The following SYN3 variants were observed in gnomAD, a reference collection of about 807,000 sequenced individuals.
SYN3 encodes synapsin-3.
A neutral mutation model predicts 65.8 loss-of-function variants in SYN3; 35 were observed. That is an observed-to-expected ratio of 0.53 (90% CI 0.41 to 0.70). The LOEUF (loss-of-function observed/expected upper bound fraction) is 0.70. Ranked by LOEUF, SYN3 falls within the 30% of genes least tolerant of loss-of-function variation. The probability of loss-of-function intolerance (pLI) is 0.00; values close to 1 mark genes in which losing one functional copy is unlikely to be tolerated. For missense variants in SYN3, 680 were observed against 749.0 expected (o/e 0.91, Z 1.08); for synonymous variants, 270 against 292.9 (o/e 0.92, Z 0.80).
intron 6 of SYN3, among the ~76,000 whole-genome samples, chr22:32,835,190 G>A (rs978324792): frequency 3.3e-5 from 5 of 152,200 alleles, no homozygotes; most frequent in Non-Finnish European, 7.3e-5. Flanking sequence ...GAAAGGTAGG[G>A]TGATACACTC....
At chr22:32,525,482 C>T (rs758100881) in intron 12 of SYN3, among the ~76,000 whole-genome samples, 2 of 151,820 alleles carry the variant, frequency 1.3e-5, no homozygotes, top group East Asian at 1.9e-4. Context: ...CTGAGGCGGG[C>T]GGATCACGAG....
chr22:32,602,024 C>T (rs868286525), intron 6 of SYN3, among the ~76,000 whole-genome samples: 7 of 151,674 alleles, frequency 4.6e-5, no homozygotes, highest in Admixed American at 1.3e-4. Flanking sequence ...AAATTGTCTA[C>T]AATCTCATTG....
intron 4 of SYN3, among the ~76,000 whole-genome samples, chr22:32,869,678 C>T (rs968848561): frequency 2.1e-5 from 3 of 145,578 alleles, no homozygotes; most frequent in Admixed American, 1.4e-4. Context: ...TCAAATCAAC[C>T]AACACATCTT....
chr22:32,628,829 G>A (rs1471662220), intron 6 of SYN3, among the ~76,000 whole-genome samples: 1 of 152,032 alleles, frequency 6.6e-6, no homozygotes, highest in African/African-American at 2.4e-5. Context: ...TGTGCTGGCC[G>A]CTGGTCATGC....
chr22:32,989,459 C>G (rs1199533073), intron 2 of SYN3, among the ~76,000 whole-genome samples: 1 of 152,148 alleles, frequency 6.6e-6, no homozygotes, highest in Non-Finnish European at 1.5e-5. Context: ...TGAAACCTTG[C>G]TTGGTGTCGA....
intron 1 of SYN3, among the ~76,000 whole-genome samples, chr22:33,043,564 T>C (rs2054002720): frequency 6.6e-6 from 1 of 151,874 alleles, no homozygotes; most frequent in African/African-American, 2.4e-5. Flanking sequence ...ATAATAATAA[T>C]ATAATAAATA....
At chr22:32,718,010 G>C (rs1222920744) in intron 6 of SYN3, among the ~76,000 whole-genome samples, 1 of 152,222 alleles carries the variant, frequency 6.6e-6, no homozygotes, top group Non-Finnish European at 1.5e-5. Context: ...AGCCCAGACA[G>C]AGATTTAAGG....
At chr22:32,586,407 T>C (rs2059042772) in intron 7 of SYN3, among the ~76,000 whole-genome samples, 1 of 152,176 alleles carries the variant, frequency 6.6e-6, no homozygotes, top group South Asian at 2.1e-4. Flanking sequence ...TCATTGACAT[T>C]AAACTCAATG....
intron 1 of SYN3, among the ~76,000 whole-genome samples, chr22:33,039,561 A>AT (rs1439486664): frequency 1.3e-5 from 2 of 151,740 alleles, no homozygotes; most frequent in Non-Finnish European, 2.9e-5. Flanking sequence ...CATCCGGCTA[A>AT]TTTTTTGTAT....
chr22:32,584,623 A>G (rs1339973984), intron 7 of SYN3, among the ~76,000 whole-genome samples: 1 of 152,256 alleles, frequency 6.6e-6, no homozygotes, highest in African/African-American at 2.4e-5. Flanking sequence ...ATCAGTGCTC[A>G]TAAGAACAGA....
intron 13 of SYN3, among the ~76,000 whole-genome samples, chr22:32,516,041 G>A (rs551402108): frequency 3.9e-5 from 6 of 152,084 alleles, no homozygotes; most frequent in Admixed American, 2.0e-4. Flanking sequence ...CTTGTGATCC[G>A]CCCCCCTCCA....
intron 6 of SYN3, among the ~76,000 whole-genome samples, chr22:32,838,346 A>G (rs950531978): frequency 2.2e-4 from 34 of 152,184 alleles, no homozygotes; most frequent in Admixed American, 2.2e-3. Context: ...ACAGCCTGCC[A>G]TGCTCTTCAT....
chr22:32,953,040 T>C (rs2051337886), intron 3 of SYN3, among the ~76,000 whole-genome samples: 2 of 152,246 alleles, frequency 1.3e-5, no homozygotes, highest in Admixed American at 1.3e-4. Context: ...AAATGTGTAA[T>C]GAATGTTAGC....
At chr22:32,514,059 A>C (rs1180615447) in intron 13 of SYN3, among the ~76,000 whole-genome samples, 1 of 152,160 alleles carries the variant, frequency 6.6e-6, no homozygotes, top group Non-Finnish European at 1.5e-5. Flanking sequence ...AGAGTCAAGT[A>C]ACTTGCTCCG....
In SYN3 at chr22:32,976,268, T is replaced by C. The variant is rs141421081; in HGVS notation, c.369+4377A>G. Among the ~76,000 whole-genome samples, 436 of 152,280 alleles carry C rather than the reference T, an allele frequency of 2.9e-3. 4 individuals are homozygous for C. Among genetic ancestry groups the C allele is most frequent in the Middle Eastern group, 0.01 (3 of 294 alleles). On this transcript the variant is annotated intron_variant, in intron 3 of 13. Transcript: ENST00000358763. ...AATCCATGGGTCGTTCTGGCTTCCT[T>C]CATTGGATTGGGAGTTGCTCAAGGG...
At chr22:32,953,974 T>C (rs1418343502) in intron 3 of SYN3, among the ~76,000 whole-genome samples, 1 of 152,176 alleles carries the variant, frequency 6.6e-6, no homozygotes, top group Non-Finnish European at 1.5e-5. Flanking sequence ...AAAGCCTAGA[T>C]GTACATTTGC....
intron 6 of SYN3, among the ~76,000 whole-genome samples, chr22:32,621,951 G>A (rs2059601199): frequency 6.6e-6 from 1 of 151,924 alleles, no homozygotes; most frequent in South Asian, 2.1e-4. Flanking sequence ...GTGGGGCTGA[G>A]GATGGTGACA....
chr22:32,563,683 G>A (rs560161195), intron 7 of SYN3, among the ~76,000 whole-genome samples: 1 of 152,130 alleles, frequency 6.6e-6, no homozygotes, highest in Admixed American at 6.5e-5. Flanking sequence ...TAGTTTTTTT[G>A]TTTGGAGACA....
intron 1 of SYN3, among the ~76,000 whole-genome samples, chr22:33,052,956 T>C (rs2054195762): frequency 6.6e-6 from 1 of 152,226 alleles, no homozygotes; most frequent in Non-Finnish European, 1.5e-5. Flanking sequence ...AGCTGTATTA[T>C]AAATAGTGTA....
Sources: allele counts gnomAD v4.1 joint callset (sites outside exome capture counted in the v4.1 genomes callset), GRCh38; gene constraint gnomAD v4.1.1; transcripts MANE v1.5; gene names NCBI Gene and HGNC (gene_info 2026-07-23, HGNC 2026-07-21).